ASIC2: variants seen among roughly 807,000 people sequenced by gnomAD.
ASIC2 encodes the protein acid-sensing ion channel 2.
In ASIC2, 25 loss-of-function variants were observed where a neutral mutation model predicts 57.3. That is an observed-to-expected ratio of 0.44 (90% confidence interval 0.32 to 0.61). ASIC2 has a LOEUF of 0.61. Among genes scored for constraint, ASIC2 ranks in the 20% least tolerant of loss-of-function variants. The pLI, the probability that ASIC2 is intolerant of heterozygous loss-of-function variation, is 0.06. For synonymous variants in ASIC2, 319 were observed against 307.5 expected (o/e 1.04, Z -0.39); for missense variants, 641 against 738.1 (o/e 0.87, Z 1.52).
Position 33,269,679 on chromosome 17 carries a change from C to CTTCTTTCCTTTTT in ASIC2, c.708+21728_708+21729insAAAAAGGAAAGAA, listed in dbSNP as rs1567805267. On this transcript the variant is annotated intron_variant, in intron 1 of 9. Transcript: ENST00000225823. ...CCTTCCTTCCTTCCTTCCTTCCCTC[C>CTTCTTTCCTTTTT]CTCCCTCCTGCCTGCCTGCCTGCCT... is the stretch of plus-strand genomic sequence containing the variant. 7.8e-5 allele frequency among the ~76,000 whole-genome samples: 5 copies of CTTCTTTCCTTTTT among 64,368 alleles called. 1 individual carries two copies. Among genetic ancestry groups the CTTCTTTCCTTTTT allele is most frequent in the South Asian group, 6.0e-4 (1 of 1,678 alleles). The allele number at this position is 64,368 out of a possible 152,430, so 42.2% of individuals were successfully genotyped here.
intron 1 of ASIC2, among the ~76,000 whole-genome samples, chr17:33,456,672 G>A (rs773616125): frequency 2.0e-5 from 3 of 152,304 alleles, no homozygotes; most frequent in South Asian, 2.1e-4. Context: ...AGTAAGGAGC[G>A]TTTGTTGTGT....
At chr17:34,099,752 AAG>A (rs1359979814) in intron 1 of ASIC2, among the ~76,000 whole-genome samples, 1 of 11,570 alleles carries the variant, frequency 8.6e-5, no homozygotes, top group Admixed American at 8.4e-4. Flanking sequence ...GAAAGAAAGA[AAG>A]AAAGAAAGAA....
chr17:34,008,192 C>A (rs1906594053), intron 1 of ASIC2, among the ~76,000 whole-genome samples: 1 of 152,166 alleles, frequency 6.6e-6, no homozygotes, highest in African/African-American at 2.4e-5. Flanking sequence ...TATACTATTC[C>A]AGACACTGTG....
chr17:33,408,263 A>G (rs1405061535), intron 1 of ASIC2, among the ~76,000 whole-genome samples: 1 of 152,058 alleles, frequency 6.6e-6, no homozygotes, highest in African/African-American at 2.4e-5. Flanking sequence ...TTCTGTTCTG[A>G]TTTTCACTCC....
intron 1 of ASIC2, among the ~76,000 whole-genome samples, chr17:33,370,635 G>A (rs1909022018): frequency 6.6e-6 from 1 of 152,234 alleles, no homozygotes; most frequent in South Asian, 2.1e-4. Flanking sequence ...AGCTCAGAAT[G>A]TACCATGCAA....
At chr17:33,437,708 A>G (rs746937600) in intron 1 of ASIC2, among the ~76,000 whole-genome samples, 1 of 152,188 alleles carries the variant, frequency 6.6e-6, no homozygotes, top group Non-Finnish European at 1.5e-5. Flanking sequence ...AGGCACAAGA[A>G]TCGCGTGAAC....
intron 1 of ASIC2, among the ~76,000 whole-genome samples, chr17:33,612,122 C>G (rs1905429944): frequency 6.6e-6 from 1 of 152,176 alleles, no homozygotes; most frequent in African/African-American, 2.4e-5. Flanking sequence ...TCTATTCAGG[C>G]CTTCAATGGA....
At chr17:33,510,820 T>C (rs1914408342) in intron 1 of ASIC2, among the ~76,000 whole-genome samples, 1 of 151,836 alleles carries the variant, frequency 6.6e-6, no homozygotes, top group Admixed American at 6.6e-5. Flanking sequence ...CATCTGAGAG[T>C]GCAACCCCTG....
chr17:33,385,708 T>C (rs1422684078), intron 1 of ASIC2, among the ~76,000 whole-genome samples: 1 of 152,218 alleles, frequency 6.6e-6, no homozygotes. Flanking sequence ...CAGGAAGCTT[T>C]GCCTGGTGAA....
chr17:33,916,548 T>A (rs1915590387), intron 1 of ASIC2, among the ~76,000 whole-genome samples: 1 of 152,222 alleles, frequency 6.6e-6, no homozygotes, highest in Non-Finnish European at 1.5e-5. Flanking sequence ...GGGATTTATG[T>A]TATTTCCAGA....
intron 1 of ASIC2, among the ~76,000 whole-genome samples, chr17:33,813,340 C>T (rs1207849728): frequency 3.3e-5 from 5 of 152,224 alleles, no homozygotes; most frequent in Middle Eastern, 3.4e-3. Context: ...GGTCCTCAAC[C>T]GCACTCAAGG....
intron 1 of ASIC2, among the ~76,000 whole-genome samples, chr17:34,095,993 T>C (rs569370666): frequency 2.0e-5 from 3 of 152,184 alleles, no homozygotes; most frequent in Non-Finnish European, 4.4e-5. Context: ...TAGATAACTT[T>C]CCCAAGATCA....
chr17:33,506,161 G>A lies in ASIC2; in HGVS notation c.556-394094C>T, dbSNP rs577010924. ...TGTAATCCCAGCACTTCGGGAGGCC[G>A]AGGCGGGCAGATCACGAGGTCAGGA... On this transcript the variant is annotated intron_variant, in intron 1 of 9. Coordinates refer to the ASIC2 transcript ENST00000359872. Among the ~76,000 whole-genome samples, 10 of 151,204 alleles carry A rather than the reference G, an allele frequency of 6.6e-5. No homozygotes were observed. In the South Asian group the frequency reaches 1.3e-3, roughly 19 times the overall value.
At chr17:33,333,822 C>T (rs1907410084) in intron 1 of ASIC2, among the ~76,000 whole-genome samples, 3 of 152,156 alleles carry the variant, frequency 2.0e-5, no homozygotes, top group Non-Finnish European at 4.4e-5. Context: ...TATAAAGGCT[C>T]CTGTCCCGCC....
chr17:33,455,939 A>AT (rs1484804341), intron 1 of ASIC2, among the ~76,000 whole-genome samples: 1 of 152,108 alleles, frequency 6.6e-6, no homozygotes, highest in Non-Finnish European at 1.5e-5. Context: ...CAATGGTGTC[A>AT]TTTTTAAGAG....
intron 1 of ASIC2, among the ~76,000 whole-genome samples, chr17:33,843,691 A>G (rs995272629): frequency 2.6e-5 from 4 of 152,254 alleles, no homozygotes; most frequent in African/African-American, 4.8e-5. Flanking sequence ...TAATTCTTCA[A>G]TTAAACTGAT....
At chr17:33,057,238 C>T (rs757150499) in intron 3 of ASIC2, among the ~76,000 whole-genome samples, 9 of 152,286 alleles carry the variant, frequency 5.9e-5, no homozygotes, top group Non-Finnish European at 1.3e-4. Flanking sequence ...TAACCTGCTT[C>T]CCGGCTGCCT....
In ASIC2 at chr17:33,780,771, G is replaced by C. The variant is rs559818999; in HGVS notation, c.555+375207C>G. Among the ~76,000 whole-genome samples, 20 of 152,236 alleles carry C rather than the reference G, an allele frequency of 1.3e-4. 1 individual carries two copies. In the South Asian group the frequency reaches 4.1e-3, roughly 32 times the overall value. On this transcript the variant is annotated intron_variant, in intron 1 of 9. Transcript: ENST00000359872. Reference sequence around the variant, plus strand: ...GTGGAGGACTCTGAGCAGGGAAGGCGGGAGGGCCCTTCAGGGAGCAAGACC... The same window carrying C: ...GTGGAGGACTCTGAGCAGGGAAGGCCGGAGGGCCCTTCAGGGAGCAAGACC...
chr17:33,729,935 A>G (rs1909687748), intron 1 of ASIC2, among the ~76,000 whole-genome samples: 1 of 152,184 alleles, frequency 6.6e-6, no homozygotes, highest in Non-Finnish European at 1.5e-5. Context: ...TGCTAGAAAA[A>G]AGCAAAGCTG....
Sources: allele counts gnomAD v4.1 joint callset (sites outside exome capture counted in the v4.1 genomes callset), GRCh38; gene constraint gnomAD v4.1.1; transcripts MANE v1.5; gene names NCBI Gene and HGNC (gene_info 2026-07-23, HGNC 2026-07-21).